Variants in VPS13B observed in about 807,000 individuals in gnomAD.
The protein encoded by VPS13B is intermembrane lipid transfer protein VPS13B.
VPS13B carries 285 observed loss-of-function variants against 426.4 expected under a neutral mutation model. The observed-to-expected ratio is 0.67, with a 90% CI of 0.61 to 0.74. VPS13B has a LOEUF of 0.74. Ranked by LOEUF, VPS13B falls within the 30% of genes least tolerant of loss-of-function variation. The pLI, the probability that VPS13B is intolerant of heterozygous loss-of-function variation, is 0.00. For synonymous variants in VPS13B, 1,676 were observed against 1,676.4 expected (o/e 1.00, Z 0.01); for missense variants, 4,537 against 4,782.6 (o/e 0.95, Z 1.51).
intron 33 of VPS13B, among the ~76,000 whole-genome samples, chr8:99,601,955 A>G (rs151294718): frequency 0.018 from 2,704 of 152,144 alleles, 71 homozygotes; most frequent in African/African-American, 0.062. Context: ...TTGCCTGTTC[A>G]CTCTGATGAT....
chr8:99,166,948 G>T (rs558191966), intron 15 of VPS13B, among the ~76,000 whole-genome samples: 1 of 152,258 alleles, frequency 6.6e-6, no homozygotes, highest in Admixed American at 6.5e-5. Context: ...AATAAACAGA[G>T]AATCAGCCAT....
intron 25 of VPS13B, among the ~76,000 whole-genome samples, chr8:99,489,538 T>C (rs1206113300): frequency 1.3e-5 from 2 of 152,198 alleles, no homozygotes; most frequent in Admixed American, 6.5e-5. Flanking sequence ...TCCATGAATA[T>C]AGAACGCTTT....
At chr8:99,444,154 A>G (rs895490513) in intron 23 of VPS13B, among the ~76,000 whole-genome samples, 1 of 151,384 alleles carries the variant, frequency 6.6e-6, no homozygotes, top group African/African-American at 2.4e-5. Flanking sequence ...GCTGGAGTAC[A>G]GTGGCACAAT....
intron 35 of VPS13B, among the ~76,000 whole-genome samples, chr8:99,667,720 A>C (rs1341886371): frequency 6.6e-6 from 1 of 152,186 alleles, no homozygotes; most frequent in Non-Finnish European, 1.5e-5. Context: ...GCATGCTACT[A>C]CATTAATTTA....
At chr8:99,834,999 G>T (rs896539133) in intron 52 of VPS13B, among the ~76,000 whole-genome samples, 198 bp from the exon 53 acceptor site, 5 of 152,138 alleles carry the variant, frequency 3.3e-5, no homozygotes, top group African/African-American at 1.2e-4. Context: ...GAATTATTTT[G>T]TTTGCCTTTA....
intron 31 of VPS13B, among the ~76,000 whole-genome samples, chr8:99,572,415 C>A (rs1825525175): frequency 6.6e-6 from 1 of 152,096 alleles, no homozygotes; most frequent in African/African-American, 2.4e-5. Context: ...CACCCATTAA[C>A]TCATCATTTA....
chr8:99,603,600 T>C (rs1827427255), intron 33 of VPS13B, among the ~76,000 whole-genome samples: 1 of 152,164 alleles, frequency 6.6e-6, no homozygotes, highest in South Asian at 2.1e-4. Context: ...ATATACCACA[T>C]AGATACACTG....
rs1431993629 is a variant in VPS13B, at chr8:99,832,364, T to C, written c.9331-5T>C. 6.7e-7 allele frequency: 1 copy of C among 1,498,028 alleles called. No homozygotes were observed. The highest frequency in any genetic ancestry group is 1.4e-5 in the African/African-American group (1 of 69,318). 92.8% of individuals were successfully genotyped at this position (1,498,028 alleles called of 1,614,324 possible). A position where few individuals can be genotyped will look rare whatever the true frequency, so the allele number is the denominator to read the frequency against. On this transcript the variant is annotated splice_region_variant and splice_polypyrimidine_tract_variant and intron_variant, in intron 51 of 61. Coordinates refer to ENST00000357162, the MANE Select transcript of VPS13B (RefSeq NM_152564.5). ...GCATTTTTTTTTTTTTTTTTTTTTT[T>C]TTAGTATTTTCGTGTTCCAGACAGT... is the stretch of plus-strand genomic sequence containing the variant.
chr8:99,391,259 C>G (rs1240899951), intron 20 of VPS13B, among the ~76,000 whole-genome samples: 1 of 151,828 alleles, frequency 6.6e-6, no homozygotes, highest in Non-Finnish European at 1.5e-5. Flanking sequence ...CTTACATTTT[C>G]TGGGTACTTA....
intron 35 of VPS13B, among the ~76,000 whole-genome samples, chr8:99,677,092 G>A (rs919276841): frequency 6.6e-6 from 1 of 152,028 alleles, no homozygotes; most frequent in African/African-American, 2.4e-5. Flanking sequence ...CTTCAGCCTG[G>A]GCAACAAGAA....
chr8:99,555,956 A>T (rs552068981), intron 30 of VPS13B, among the ~76,000 whole-genome samples: 2 of 152,282 alleles, frequency 1.3e-5, no homozygotes, highest in South Asian at 4.1e-4. Context: ...TCCTAACAAG[A>T]AATCAAAGCT....
chr8:99,718,253 T>C (rs1423671368), intron 37 of VPS13B, among the ~76,000 whole-genome samples: 1 of 152,152 alleles, frequency 6.6e-6, no homozygotes, highest in Non-Finnish European at 1.5e-5. Flanking sequence ...TTTTTTATTT[T>C]TTTTTTCAGT....
chr8:99,281,849 TTA>T (rs1819191082), intron 19 of VPS13B, among the ~76,000 whole-genome samples: 1 of 152,230 alleles, frequency 6.6e-6, no homozygotes, highest in South Asian at 2.1e-4. Flanking sequence ...GTTACCAAGA[TTA>T]TGTTATTGAC....
At position 99,534,163 on chromosome 8, in the gene VPS13B, A is replaced by G. The variant is rs553745620; in HGVS notation, c.4745+13153A>G. ...ATTATCGGCAGAGTTTTAGTGCGTC[A>G]TGGTATTCTGCTGATTTAGTTGAAG... On this transcript the variant is annotated intron_variant, in intron 30 of 61. Transcript: ENST00000357162. Among the ~76,000 whole-genome samples the G allele has an allele frequency of 8.1e-4, 123 of 152,246 alleles. 1 individual carries two copies. Among genetic ancestry groups the G allele is most frequent in the East Asian group, 2.9e-3 (15 of 5,178 alleles).
chr8:99,435,686 T>G (rs1446905380), intron 22 of VPS13B, among the ~76,000 whole-genome samples: 1 of 152,150 alleles, frequency 6.6e-6, no homozygotes, highest in Non-Finnish European at 1.5e-5. Context: ...CCTCAGAGAC[T>G]TAAGATAAAA....
At chr8:99,313,956 A>T (rs1821164178) in intron 19 of VPS13B, among the ~76,000 whole-genome samples, 4 of 151,328 alleles carry the variant, frequency 2.6e-5, no homozygotes. Context: ...TGGGCTTGGG[A>T]CCCTCCAAGC....
intron 3 of VPS13B, among the ~76,000 whole-genome samples, chr8:99,061,296 C>CTTTTTTTTTTTTTTTTTTTTTTTTTTTTT (rs36037937): frequency 8.9e-6 from 1 of 112,950 alleles, no homozygotes; most frequent in African/African-American, 3.5e-5. Context: ...TGCTAATTTT[C>CTTTTTTTTTTTTTTTTTTTTTTTTTTTTT]TTTTTTTTTT....
At chr8:99,415,526 G>T (rs1285287184) in intron 21 of VPS13B, among the ~76,000 whole-genome samples, 2 of 152,076 alleles carry the variant, frequency 1.3e-5, no homozygotes, top group African/African-American at 4.8e-5. Flanking sequence ...TTTTAGGCTG[G>T]TTTTTCCATA....
At chr8:99,399,676 T>G (rs1814929445) in intron 21 of VPS13B, among the ~76,000 whole-genome samples, 1 of 152,196 alleles carries the variant, frequency 6.6e-6, no homozygotes, top group East Asian at 1.9e-4. Flanking sequence ...ACCACATATT[T>G]GAATTTCTTG....
Sources: allele counts gnomAD v4.1 joint callset (sites outside exome capture counted in the v4.1 genomes callset), GRCh38; gene constraint gnomAD v4.1.1; transcripts MANE v1.5; gene names NCBI Gene and HGNC (gene_info 2026-07-23, HGNC 2026-07-21).